EYS: variants seen among roughly 807,000 people sequenced by gnomAD.
EYS encodes protein eyes shut homolog.
In EYS, 250 loss-of-function variants were observed where a neutral mutation model predicts 282.1. That is an observed-to-expected ratio of 0.89 (90% confidence interval 0.80 to 0.98). The LOEUF (loss-of-function observed/expected upper bound fraction) is 0.98. EYS is among the 50% of genes least tolerant of loss of function. EYS has a pLI of 0.00. For synonymous variants in EYS, 1,355 were observed against 1,282.9 expected (o/e 1.06, Z -1.20); for missense variants, 4,016 against 3,709.0 (o/e 1.08, Z -2.15).
At chr6:65,491,426 G>A in intron 4 of EYS, 1 of 312,856 alleles carries the variant, frequency 3.2e-6, no homozygotes, top group South Asian at 2.8e-5. Flanking sequence ...CAAACCAACT[G>A]CATGTAATTT....
intron 35 of EYS, among the ~76,000 whole-genome samples, chr6:63,981,345 G>C (rs1767082343): frequency 6.6e-6 from 1 of 151,610 alleles, no homozygotes; most frequent in Non-Finnish European, 1.5e-5. Flanking sequence ...ATATACTACA[G>C]GCATCTCTTC....
intron 1 of EYS, among the ~76,000 whole-genome samples, chr6:65,684,519 A>C (rs1768941195): frequency 6.6e-6 from 1 of 151,952 alleles, no homozygotes. Flanking sequence ...TACAGAAATG[A>C]AGTGTTGTGT....
At chr6:65,674,854 T>A (rs1768522066) in intron 1 of EYS, among the ~76,000 whole-genome samples, 1 of 152,036 alleles carries the variant, frequency 6.6e-6, no homozygotes, top group South Asian at 2.1e-4. Context: ...ACTATAATGG[T>A]AGCATATGAA....
At chr6:65,287,187 G>A (rs2150280064) in intron 12 of EYS, among the ~76,000 whole-genome samples, 1 of 151,394 alleles carries the variant, frequency 6.6e-6, no homozygotes, top group African/African-American at 2.4e-5. Context: ...TCAGAAACCA[G>A]GTCTCCTTTA....
chr6:64,475,518 T>C (rs1776233575), intron 26 of EYS, among the ~76,000 whole-genome samples: 1 of 54,654 alleles, frequency 1.8e-5, no homozygotes, highest in Non-Finnish European at 3.6e-5. Context: ...GCCACTGCAC[T>C]CCAGCCTGGG....
chr6:64,410,783 A>T (rs1293362248), intron 28 of EYS, among the ~76,000 whole-genome samples: 1 of 152,160 alleles, frequency 6.6e-6, no homozygotes, highest in Non-Finnish European at 1.5e-5. Flanking sequence ...CCTGATGTGT[A>T]TATATTGGTT....
intron 35 of EYS, among the ~76,000 whole-genome samples, chr6:63,960,335 T>C (rs2149774377): frequency 6.6e-6 from 1 of 152,340 alleles, no homozygotes; most frequent in Non-Finnish European, 1.5e-5. Context: ...ACTGAATTGC[T>C]ATTATCTCAT....
At chr6:64,019,852 A>ATATATATATATACTTATATATATAAG (rs759189690) in intron 33 of EYS, among the ~76,000 whole-genome samples, 2 of 46,828 alleles carry the variant, frequency 4.3e-5, no homozygotes, top group African/African-American at 3.4e-4. Context: ...ATATATAAGT[A>ATATATATATATACTTATATATATAAG]TATATATATA....
At chr6:64,045,726 C>T (rs536403676) in intron 33 of EYS, among the ~76,000 whole-genome samples, 5 of 151,022 alleles carry the variant, frequency 3.3e-5, no homozygotes, top group African/African-American at 1.2e-4. Context: ...GGATTACAGG[C>T]GTGAGCCACC....
chr6:64,542,654 G>C (rs1398318035), intron 26 of EYS, among the ~76,000 whole-genome samples: 1 of 152,008 alleles, frequency 6.6e-6, no homozygotes, highest in African/African-American at 2.4e-5. Flanking sequence ...GATGAATAAA[G>C]TATGATTATA....
intron 35 of EYS, among the ~76,000 whole-genome samples, chr6:63,979,851 A>T (rs1215730109): frequency 6.6e-6 from 1 of 152,042 alleles, no homozygotes; most frequent in Non-Finnish European, 1.5e-5. Context: ...AAAATGAAAA[A>T]AGATTGGACA....
At chr6:65,093,648 A>G (rs1302891894) in intron 12 of EYS, among the ~76,000 whole-genome samples, 2 of 151,898 alleles carry the variant, frequency 1.3e-5, no homozygotes, top group African/African-American at 4.8e-5. Flanking sequence ...CAAATAAAAT[A>G]TATCAGAGTA....
At chr6:64,786,602 C>T (rs1296159159) in intron 22 of EYS, among the ~76,000 whole-genome samples, 1 of 152,128 alleles carries the variant, frequency 6.6e-6, no homozygotes, top group Non-Finnish European at 1.5e-5. Context: ...TCTCTTGACA[C>T]CATACCGGGG....
At chr6:65,648,808 A>G (rs957781066) in intron 1 of EYS, among the ~76,000 whole-genome samples, 1 of 152,178 alleles carries the variant, frequency 6.6e-6, no homozygotes, top group East Asian at 1.9e-4. Flanking sequence ...ACAACGCACT[A>G]TTCCACCTAG....
chr6:64,821,840 G>A (rs982216880), intron 20 of EYS, 117 bp from the exon 21 acceptor site: 7 of 574,032 alleles, frequency 1.2e-5, no homozygotes, highest in African/African-American at 3.9e-5. Flanking sequence ...GCACTCCCAT[G>A]AGCAATACAA....
At chr6:64,779,442 A>G (rs942417695) in intron 22 of EYS, among the ~76,000 whole-genome samples, 1 of 152,052 alleles carries the variant, frequency 6.6e-6, no homozygotes, top group Non-Finnish European at 1.5e-5. Flanking sequence ...GAAAGAAAAA[A>G]CCATGGAGAC....
Position 64,644,138 on chromosome 6 carries a change from C to T in EYS, c.3444-17893G>A, listed in dbSNP as rs1405696998. On this transcript the variant is annotated intron_variant, in intron 22 of 42. Coordinates refer to ENST00000503581, the MANE Select transcript of EYS (RefSeq NM_001142800.2). ...AGGTTACCAGCTGCAATTTTCCCCACCATATGTATACAGTCTACCTTTCAG... is the reference window on the plus strand; with the variant it reads ...AGGTTACCAGCTGCAATTTTCCCCATCATATGTATACAGTCTACCTTTCAG... Among the ~76,000 whole-genome samples the T allele has an allele frequency of 3.3e-5, 5 of 152,168 alleles. 1 individual carries two copies. In the South Asian group the frequency reaches 1.0e-3, roughly 31 times the overall value.
At chr6:63,883,185 T>C (rs1019761647) in intron 35 of EYS, among the ~76,000 whole-genome samples, 8 of 152,202 alleles carry the variant, frequency 5.3e-5, no homozygotes, top group Non-Finnish European at 8.8e-5. Context: ...AAGTTGGAAC[T>C]TTCTTACTAA....
chr6:64,198,865 G>C (rs1765380122), intron 31 of EYS, among the ~76,000 whole-genome samples: 1 of 152,104 alleles, frequency 6.6e-6, no homozygotes, highest in African/African-American at 2.4e-5. Context: ...CTGGGTCAAA[G>C]GGTATTTCTG....
Sources: allele counts gnomAD v4.1 joint callset (sites outside exome capture counted in the v4.1 genomes callset), GRCh38; gene constraint gnomAD v4.1.1; transcripts MANE v1.5; gene names NCBI Gene and HGNC (gene_info 2026-07-23, HGNC 2026-07-21).